GALNT18: variants seen among roughly 807,000 people sequenced by gnomAD.
GALNT18 encodes polypeptide N-acetylgalactosaminyltransferase 18.
A neutral mutation model predicts 69.5 loss-of-function variants in GALNT18; 44 were observed. The observed-to-expected ratio is 0.63, with a 90% confidence interval of 0.50 to 0.81. The LOEUF (loss-of-function observed/expected upper bound fraction) is 0.81. Ranked by LOEUF, GALNT18 falls within the 40% of genes least tolerant of loss-of-function variation. GALNT18 has a pLI of 0.00. For synonymous variants in GALNT18, 364 were observed against 318.2 expected, an observed-to-expected ratio of 1.14 and a Z score of -1.53; for missense variants, 715 against 810.0, an observed-to-expected ratio of 0.88 and a Z score of 1.42.
Position 11,496,317 on chromosome 11 carries a change from G to A in GALNT18, c.236-47381C>T, listed in dbSNP as rs923001470. Among the ~76,000 whole-genome samples the A allele has an allele frequency of 3.9e-5, 6 of 152,094 alleles. No homozygotes were observed. The highest frequency in any genetic ancestry group is 1.4e-4 in the African/African-American group (6 of 41,418). On this transcript the variant is annotated intron_variant, in intron 1 of 10. Coordinates refer to ENST00000227756, the MANE Select transcript of GALNT18 (RefSeq NM_198516.3). This position sits in a 1 kb window ranked among gnomAD's most constrained non-coding sequence, Gnocchi z 4.0. Reference sequence around the variant, plus strand: ...GGTTCACCTATCACCAAAAACCCTAGCATCAGCAACACTCCACATGCTGCC... The same window carrying A: ...GGTTCACCTATCACCAAAAACCCTAACATCAGCAACACTCCACATGCTGCC...
At chr11:11,474,239 G>A (rs908189493) in intron 1 of GALNT18, among the ~76,000 whole-genome samples, 2 of 152,172 alleles carry the variant, frequency 1.3e-5, no homozygotes, top group African/African-American at 4.8e-5. Flanking sequence ...CATTTGAAGT[G>A]GTATCCAAAG....
In GALNT18 at chr11:11,432,678, G is replaced by A. The variant is rs757382050; in HGVS notation, c.538C>T (p.Arg180Cys). The part of the protein sequence containing the change: ...LLRSIHSAME[R>C]TPPHLLKEII... Reference sequence around the variant, plus strand: ...TCCTTGAGCAGATGTGGGGGCGTGCGTTCCATGGCCGAGTGGATGGAGCGC... The same window carrying A: ...TCCTTGAGCAGATGTGGGGGCGTGCATTCCATGGCCGAGTGGATGGAGCGC... Residue 180 changes from arginine (R) to cysteine (C), a missense_variant, in exon 3 of 11, where the codon CGC becomes TGC. Transcript: ENST00000227756. The surrounding 1 kb of genome is among the most constrained non-coding windows in gnomAD (Gnocchi z 5.8). 6.2e-6 allele frequency: 10 copies of A among 1,613,090 alleles called. No individual in the cohort carries two copies. Among genetic ancestry groups the A allele is most frequent in the Admixed American group, 3.3e-5 (2 of 59,910 alleles).
intron 1 of GALNT18, among the ~76,000 whole-genome samples, chr11:11,512,258 TCACA>T (rs1306331419): frequency 1.3e-5 from 2 of 152,192 alleles, no homozygotes; most frequent in African/African-American, 4.8e-5. Flanking sequence ...GCATGTGACC[TCACA>T]CACAGTGTGG....
chr11:11,608,949 A>C (rs1327590679), intron 1 of GALNT18, among the ~76,000 whole-genome samples: 1 of 152,176 alleles, frequency 6.6e-6, no homozygotes, highest in African/African-American at 2.4e-5. Context: ...TATTCTGACA[A>C]TTCGCTCTTC....
At chr11:11,519,825 C>T (rs1857355950) in intron 1 of GALNT18, among the ~76,000 whole-genome samples, 1 of 152,192 alleles carries the variant, frequency 6.6e-6, no homozygotes, top group South Asian at 2.1e-4. Flanking sequence ...GGGAACCCAC[C>T]CTCTCCTACT....
chr11:11,411,402 C>G (rs1259508251), intron 3 of GALNT18, among the ~76,000 whole-genome samples: 5 of 152,184 alleles, frequency 3.3e-5, no homozygotes, highest in Non-Finnish European at 5.9e-5. Context: ...TATTATAAGC[C>G]TTGAATTTCA....
intron 3 of GALNT18, among the ~76,000 whole-genome samples, chr11:11,418,286 C>T (rs1259713755): frequency 1.3e-5 from 2 of 152,212 alleles, no homozygotes; most frequent in African/African-American, 4.8e-5. Flanking sequence ...ACTGCTGAAT[C>T]TCAGTTTCCT....
intron 6 of GALNT18, among the ~76,000 whole-genome samples, chr11:11,370,302 G>C (rs918088354): frequency 6.6e-6 from 1 of 152,160 alleles, no homozygotes; most frequent in Non-Finnish European, 1.5e-5. Flanking sequence ...TGTAATTAGG[G>C]CAAGTGTGCT....
chr11:11,396,837 T>C lies in GALNT18; in HGVS notation c.596-17573A>G, dbSNP rs1272905710. 1.3e-5 allele frequency among the ~76,000 whole-genome samples: 2 copies of C among 152,058 alleles called. No individual in the cohort carries two copies. Among genetic ancestry groups the C allele is most frequent in the African/African-American group, 4.8e-5 (2 of 41,392 alleles). On this transcript the variant is annotated intron_variant, in intron 3 of 10. Coordinates refer to ENST00000227756, the MANE Select transcript of GALNT18 (RefSeq NM_198516.3). The surrounding 1 kb of genome is among the most constrained non-coding windows in gnomAD (Gnocchi z 5.2). ...GTGGGGAGGAAAATAGGGAGGGTCT[T>C]GGCTGCCAAAGGAAAGGCTTTCATT...
At chr11:11,392,716 T>G (rs1278293865) in intron 3 of GALNT18, among the ~76,000 whole-genome samples, 1 of 152,242 alleles carries the variant, frequency 6.6e-6, no homozygotes, top group Non-Finnish European at 1.5e-5. Context: ...GAACATGGGC[T>G]CACCAAGTTT....
intron 1 of GALNT18, among the ~76,000 whole-genome samples, chr11:11,473,669 C>T (rs950708204): frequency 1.4e-5 from 1 of 73,202 alleles, no homozygotes; most frequent in Non-Finnish European, 3.7e-5. Flanking sequence ...TGTATGCACA[C>T]AGGGGGAGAG....
In GALNT18 at chr11:11,288,650, A is replaced by G. The variant is rs561786344; in HGVS notation, c.1677+4379T>C. The stretch of plus-strand genomic sequence containing the variant: ...ACTGTTCATCATTGGAAAATTGCTC[A>G]TCAGAGTCCTGCACATCAGCGTTGC... On this transcript the variant is annotated intron_variant, in intron 10 of 10. Transcript: ENST00000227756. Among the ~76,000 whole-genome samples, 8 of 152,340 alleles carry G rather than the reference A, an allele frequency of 5.3e-5. No individual in the cohort carries two copies. The South Asian group carries it at 1.5e-3, about 28-fold the overall frequency.
intron 1 of GALNT18, among the ~76,000 whole-genome samples, chr11:11,479,327 G>C (rs4243932): frequency 4.5e-4 from 69 of 152,328 alleles, no homozygotes; most frequent in African/African-American, 1.2e-3. Flanking sequence ...CCCAAAGTTT[G>C]AGGATTGAGG....
chr11:11,351,987 G>A (rs753152053), intron 6 of GALNT18: 3 of 1,611,232 alleles, frequency 1.9e-6, no homozygotes, highest in Middle Eastern at 1.7e-4. Context: ...CATCCCAAGG[G>A]GGTTGGCAGC....
In GALNT18 at chr11:11,396,093, G is replaced by A. The variant is rs74788071; in HGVS notation, c.596-16829C>T. ...ACTTCCCTCTGTTGCTGATCCCCAT[G>A]GGGCTGAACAGTCCCAAAGAGTTAG... On this transcript the variant is annotated intron_variant, in intron 3 of 10. Transcript: ENST00000227756. This position sits in a 1 kb window ranked among gnomAD's most constrained non-coding sequence, Gnocchi z 5.2. Among the ~76,000 whole-genome samples, 8 of 152,224 alleles carry A rather than the reference G, an allele frequency of 5.3e-5. No individual in the cohort carries two copies. The highest frequency in any genetic ancestry group is 4.6e-4 in the Admixed American group (7 of 15,278).
At chr11:11,282,109 G>C (rs1849090542) in intron 10 of GALNT18, among the ~76,000 whole-genome samples, 1 of 152,136 alleles carries the variant, frequency 6.6e-6, no homozygotes, top group African/African-American at 2.4e-5. Flanking sequence ...AACAGAGATA[G>C]CACTGGCCAC....
At chr11:11,362,706 G>GCTTCTC (rs1850671276) in intron 6 of GALNT18, among the ~76,000 whole-genome samples, 5 of 152,130 alleles carry the variant, frequency 3.3e-5, no homozygotes, top group African/African-American at 7.2e-5. Context: ...GCTGTGAGAA[G>GCTTCTC]ACAGGCACCT....
chr11:11,284,583 A>G (rs1331739284), intron 10 of GALNT18, among the ~76,000 whole-genome samples: 2 of 152,218 alleles, frequency 1.3e-5, no homozygotes, highest in East Asian at 1.9e-4. Flanking sequence ...TACTTTTGCA[A>G]TCAAGGAGTT....
intron 1 of GALNT18, among the ~76,000 whole-genome samples, chr11:11,566,532 GA>G (rs1858657029): frequency 6.6e-6 from 1 of 152,226 alleles, no homozygotes; most frequent in Non-Finnish European, 1.5e-5. Context: ...TCTTTCTTGA[GA>G]GGTGTCTTCG....
Sources: allele counts gnomAD v4.1 joint callset (sites outside exome capture counted in the v4.1 genomes callset), GRCh38; gene constraint gnomAD v4.1.1; non-coding constraint Gnocchi (gnomAD v3.1); transcripts MANE v1.5; gene names NCBI Gene and HGNC (gene_info 2026-07-23, HGNC 2026-07-21).